SH3D19: variants seen among roughly 807,000 people sequenced by gnomAD.
SH3D19 encodes SH3 domain-containing protein 19.
SH3D19 carries 58 observed loss-of-function variants against 112.1 expected under a neutral mutation model. The observed-to-expected ratio is 0.52, with a 90% CI of 0.42 to 0.64. SH3D19 has a LOEUF of 0.64. SH3D19 is among the 30% of genes least tolerant of loss of function. The pLI, the probability that SH3D19 is intolerant of heterozygous loss-of-function variation, is 0.00. For missense variants in SH3D19, 1,090 were observed against 1,263.4 expected (o/e 0.86, Z 2.08); for synonymous variants, 391 against 448.5 (o/e 0.87, Z 1.62).
chr4:151,279,658 C>G, intron 1 of SH3D19: 2 of 736,702 alleles, frequency 2.7e-6, no homozygotes, highest in Middle Eastern at 2.4e-4. Flanking sequence ...GGGTGTGGAA[C>G]CAGAATAGGA....
chr4:151,137,465 C>A (rs1752103567), intron 14 of SH3D19, among the ~76,000 whole-genome samples: 1 of 152,162 alleles, frequency 6.6e-6, no homozygotes, highest in Admixed American at 6.6e-5. Flanking sequence ...TAACAACTCT[C>A]CAAGAACAGC....
chr4:151,290,673 A>G (rs1280821432), intron 1 of SH3D19, among the ~76,000 whole-genome samples: 1 of 152,214 alleles, frequency 6.6e-6, no homozygotes, highest in African/African-American at 2.4e-5. Context: ...TAGTATGTGA[A>G]TTATATGACA....
chr4:151,257,970 G>T (rs1481516109), intron 1 of SH3D19, among the ~76,000 whole-genome samples: 1 of 152,192 alleles, frequency 6.6e-6, no homozygotes, highest in Non-Finnish European at 1.5e-5. Context: ...AGGCTGAATA[G>T]TCTGTGCCAC....
At chr4:151,278,787 T>G (rs6836540) in intron 1 of SH3D19, among the ~76,000 whole-genome samples, 1,618 of 152,276 alleles carry the variant, frequency 0.011, 31 homozygotes, top group African/African-American at 0.037. Context: ...TGCACCATCA[T>G]GTCAGGCTAA....
chr4:151,135,000 A>G (rs1751513790), intron 15 of SH3D19, 74 bp downstream of exon 15: 1 of 1,302,850 alleles, frequency 7.7e-7, no homozygotes. Flanking sequence ...GAGTGTTTTA[A>G]GCTTGATAAT....
chr4:151,318,179 T>C (rs1353570275), intron 1 of SH3D19, among the ~76,000 whole-genome samples: 1 of 147,072 alleles, frequency 6.8e-6, no homozygotes, highest in African/African-American at 2.5e-5. Flanking sequence ...CACGTGCCTG[T>C]AGTCCTAGCT....
intron 2 of SH3D19, among the ~76,000 whole-genome samples, chr4:151,190,197 A>T (rs1762405239): frequency 6.6e-6 from 1 of 152,222 alleles, no homozygotes; most frequent in East Asian, 1.9e-4. Flanking sequence ...AGCATTCAAA[A>T]AGTCACTTGG....
chr4:151,237,427 C>T lies in SH3D19; in HGVS notation c.113-11341G>A, dbSNP rs1244081358. Among the ~76,000 whole-genome samples, 4 of 152,306 alleles carry T rather than the reference C, an allele frequency of 2.6e-5. No individual in the cohort carries two copies. The East Asian group carries it at 7.7e-4, about 29-fold the overall frequency. On this transcript the variant is annotated intron_variant, in intron 1 of 19. Coordinates refer to ENST00000604030, the MANE Select transcript of SH3D19 (RefSeq NM_001378122.1). ...GTCAGCACCAATTGCTTACCATCTC[C>T]AGGTGTCTACTACTGGGGTGTGCCT...
intron 1 of SH3D19, among the ~76,000 whole-genome samples, chr4:151,289,717 T>C (rs746140017): frequency 6.6e-6 from 1 of 152,124 alleles, no homozygotes; most frequent in Non-Finnish European, 1.5e-5. Context: ...AAACATAGAA[T>C]TACCATATGA....
At chr4:151,188,939 A>G (rs554638986) in intron 2 of SH3D19, among the ~76,000 whole-genome samples, 7 of 152,264 alleles carry the variant, frequency 4.6e-5, no homozygotes, top group African/African-American at 1.4e-4. Context: ...GAAGATGGCC[A>G]TCTGAAGAGC....
chr4:151,228,158 A>C, intron 1 of SH3D19: 1 of 504,148 alleles, frequency 2.0e-6, no homozygotes, highest in Non-Finnish European at 2.6e-6. Context: ...AATTCAACAA[A>C]AGACTTGATT....
rs151133850 is a variant in SH3D19 at position 151,170,246 on chromosome 4, C to T, written c.1534+4424G>A. On this transcript the variant is annotated intron_variant, in intron 7 of 19. Coordinates refer to ENST00000604030, the MANE Select transcript of SH3D19 (RefSeq NM_001378122.1). The stretch of plus-strand genomic sequence containing the variant: ...CTCTGAATTGTTTGACTTGTTACAA[C>T]GAATATATTTTACTTTTCTAACAGA... Among the ~76,000 whole-genome samples the T allele has an allele frequency of 4.0e-4, 60 of 151,814 alleles. 1 individual carries two copies. The East Asian group carries it at 0.01, about 26-fold the overall frequency.
At chr4:151,313,238 TACCAA>T (rs1580470198) in intron 1 of SH3D19, among the ~76,000 whole-genome samples, 1 of 151,944 alleles carries the variant, frequency 6.6e-6, no homozygotes, top group Non-Finnish European at 1.5e-5. Context: ...GTGTAAGAAA[TACCAA>T]ACCACGTTAT....
chr4:151,184,948 TGCTTG>T (rs1255005599), intron 3 of SH3D19, among the ~76,000 whole-genome samples: 1 of 151,984 alleles, frequency 6.6e-6, no homozygotes. Flanking sequence ...CAGCACCTTT[TGCTTG>T]GCCTGGTTTA....
intron 3 of SH3D19, among the ~76,000 whole-genome samples, chr4:151,184,270 G>A (rs957811997): frequency 5.3e-5 from 8 of 152,054 alleles, no homozygotes; most frequent in African/African-American, 1.9e-4. Flanking sequence ...CGCTTGCCAG[G>A]GTTAGATGAC....
At chr4:151,147,881 C>A (rs773859444) in intron 11 of SH3D19, 41 bp downstream of exon 11, 2 of 1,551,950 alleles carry the variant, frequency 1.3e-6, no homozygotes, top group East Asian at 4.5e-5. Flanking sequence ...TACTTTAGGG[C>A]ACACCTCTTG....
intron 1 of SH3D19, among the ~76,000 whole-genome samples, chr4:151,238,190 TAAGAG>T (rs772787332): frequency 1.1e-4 from 16 of 152,308 alleles, no homozygotes; most frequent in East Asian, 7.7e-4. Flanking sequence ...TTCTAAGACT[TAAGAG>T]AAGAGTCCCC....
chr4:151,163,586 CT>C (rs200482400), intron 8 of SH3D19, among the ~76,000 whole-genome samples: 74 of 144,902 alleles, frequency 5.1e-4, no homozygotes, highest in African/African-American at 5.6e-4. Flanking sequence ...TTCTTTCTTT[CT>C]TTTTTTTTTT....
At chr4:151,208,829 C>G (rs1033987037) in intron 2 of SH3D19, among the ~76,000 whole-genome samples, 1 of 152,060 alleles carries the variant, frequency 6.6e-6, no homozygotes, top group African/African-American at 2.4e-5. Flanking sequence ...AGGCGCCCAC[C>G]ACCACGCCCG....
Sources: allele counts gnomAD v4.1 joint callset (sites outside exome capture counted in the v4.1 genomes callset), GRCh38; gene constraint gnomAD v4.1.1; transcripts MANE v1.5; gene names NCBI Gene and HGNC (gene_info 2026-07-23, HGNC 2026-07-21).